Variants in SLC38A8 observed in about 807,000 individuals in gnomAD.
SLC38A8 encodes amino acid transporter SLC38A8.
Under a neutral mutation model 46.0 loss-of-function variants are expected in SLC38A8, and 65 were observed. The observed-to-expected ratio is 1.41, with a 90% CI of 1.16 to 1.74. The LOEUF is 1.74. Ranked by LOEUF, SLC38A8 falls within the 40% of genes most tolerant of loss-of-function variation. SLC38A8 has a pLI of 0.00. For missense variants in SLC38A8, 998 were observed against 567.9 expected, an observed-to-expected ratio of 1.76 and a Z score of -7.70; for synonymous variants, 447 against 243.7, an observed-to-expected ratio of 1.83 and a Z score of -7.77.
intron 3 of SLC38A8, among the ~76,000 whole-genome samples, chr16:84,033,701 A>C (rs2085272034): frequency 6.6e-6 from 1 of 152,204 alleles, no homozygotes. Context: ...CCCCAAGCCC[A>C]GCACTGCTCT....
chr16:84,039,613 G>A (rs563462388), intron 2 of SLC38A8, among the ~76,000 whole-genome samples: 124 of 152,256 alleles, frequency 8.1e-4, no homozygotes, highest in Non-Finnish European at 1.4e-3. Context: ...GGGTGTGGCA[G>A]CACATGCCTG....
chr16:84,018,791 A>C (rs1187369268), intron 7 of SLC38A8, among the ~76,000 whole-genome samples: 1 of 152,230 alleles, frequency 6.6e-6, no homozygotes, highest in East Asian at 1.9e-4. Flanking sequence ...GACAAAGAAT[A>C]AATCTGACAA....
At chr16:84,025,474 G>A (rs765149403) in intron 6 of SLC38A8, among the ~76,000 whole-genome samples, 2 of 152,118 alleles carry the variant, frequency 1.3e-5, no homozygotes, top group Non-Finnish European at 2.9e-5. Context: ...AACACGAGCG[G>A]GCTTTTCGGT....
intron 9 of SLC38A8, among the ~76,000 whole-genome samples, chr16:84,013,422 G>GTTTTTTTTTTTTTTTTTTTTTTTT (rs369454720): frequency 9.2e-6 from 1 of 108,700 alleles, no homozygotes; most frequent in Non-Finnish European, 1.8e-5. Context: ...TGTTGTGTGT[G>GTTTTTTTTTTTTTTTTTTTTTTTT]TGTTTTTTTT....
intron 3 of SLC38A8, among the ~76,000 whole-genome samples, chr16:84,036,230 A>C (rs1397784155): frequency 6.6e-6 from 1 of 152,282 alleles, no homozygotes; most frequent in Non-Finnish European, 1.5e-5. Context: ...TAAATTTTCC[A>C]TTCATGAGGA....
intron 6 of SLC38A8, among the ~76,000 whole-genome samples, chr16:84,023,387 G>A (rs1485313034): frequency 6.6e-6 from 1 of 152,118 alleles, no homozygotes; most frequent in Non-Finnish European, 1.5e-5. Flanking sequence ...GCACCCCTCT[G>A]CACAAAAGTA....
Position 84,042,544 on chromosome 16 carries a change from T to C in SLC38A8, c.-3+7A>G, listed in dbSNP as rs1188915142. On this transcript the variant is annotated splice_region_variant and intron_variant, in intron 1 of 10. Transcript: ENST00000299709. ...GTACAAACAGACCCCCAGTTCCTGGTCCTTACCACCAAATCCAACTTTTAA... is the reference window on the plus strand; with the variant it reads ...GTACAAACAGACCCCCAGTTCCTGGCCCTTACCACCAAATCCAACTTTTAA... 2 of 165,798 alleles carry C rather than the reference T, an allele frequency of 1.2e-5. No homozygotes were observed. Among genetic ancestry groups the C allele is most frequent in the Non-Finnish European group, 2.6e-5 (2 of 76,576 alleles). The allele number at this position is 165,798 out of a possible 1,614,324, so 10.3% of individuals were successfully genotyped here.
intron 3 of SLC38A8, among the ~76,000 whole-genome samples, chr16:84,034,501 G>A (rs1031052067): frequency 1.3e-5 from 2 of 152,218 alleles, no homozygotes; most frequent in Non-Finnish European, 2.9e-5. Context: ...CCACCTGGGT[G>A]GGTGAGGTGG....
rs371457990 is a variant in SLC38A8 at position 84,026,617 on chromosome 16, G to A, written c.690+2877C>T. Among the ~76,000 whole-genome samples, 190 of 152,316 alleles carry A rather than the reference G, an allele frequency of 1.2e-3. 4 individuals carry two copies. The South Asian group carries it at 0.035, about 28-fold the overall frequency. ...GGCAGTGGGCAGTTGCTCGGTGATG[G>A]AAGGAGACAGGAAGACGACACAGTG... On this transcript the variant is annotated intron_variant, in intron 6 of 10. Coordinates refer to ENST00000299709, the MANE Select transcript of SLC38A8 (RefSeq NM_001080442.3).
chr16:84,036,622 G>T, intron 3 of SLC38A8, 80 bp downstream of exon 3: 1 of 1,520,468 alleles, frequency 6.6e-7, no homozygotes, highest in Non-Finnish European at 9.0e-7. Flanking sequence ...AGGGCCCCAC[G>T]TCCTGCTCAA....
At chr16:84,029,155 G>A (rs966217535) in intron 6 of SLC38A8, among the ~76,000 whole-genome samples, 13 of 152,288 alleles carry the variant, frequency 8.5e-5, no homozygotes, top group Admixed American at 7.8e-4. Context: ...CCTCAGGTCT[G>A]ACTGCAGTCC....
chr16:84,013,006 TCTTGGTCCTATAGGCTCGACA>T lies in SLC38A8; in HGVS notation c.1188_1208del (p.Glu398_Val404del). 1 of 1,614,136 alleles carries T rather than the reference TCTTGGTCCTATAGGCTCGACA, an allele frequency of 6.2e-7. No homozygotes were observed. Among genetic ancestry groups the T allele is most frequent in the Non-Finnish European group, 8.5e-7 (1 of 1,179,984 alleles). On this transcript the variant is annotated inframe_deletion, in exon 10 of 11. Transcript: ENST00000299709. ...CTCATCTTAGGGACACTTACTTGAC[TCTTGGTCCTATAGGCTCGACA>T]CCCATTGCACAGATGAGGCACAAAC...
At chr16:84,037,806 A>ATTTTTTTTTTTTT (rs376247461) in intron 2 of SLC38A8, among the ~76,000 whole-genome samples, 3 of 102,250 alleles carry the variant, frequency 2.9e-5, no homozygotes, top group Non-Finnish European at 5.3e-5. Flanking sequence ...TTCAGCTTCA[A>ATTTTTTTTTTTTT]TTTTTTTTTT....
chr16:84,038,906 G>C (rs527525436), intron 2 of SLC38A8, among the ~76,000 whole-genome samples: 1 of 152,186 alleles, frequency 6.6e-6, no homozygotes, highest in Non-Finnish European at 1.5e-5. Context: ...CATGGTGGTC[G>C]AGCATTCCAC....
chr16:84,026,108 G>A (rs931420001), intron 6 of SLC38A8, among the ~76,000 whole-genome samples: 21 of 152,268 alleles, frequency 1.4e-4, no homozygotes, highest in Admixed American at 1.2e-3. Flanking sequence ...GCAGCTCTGC[G>A]TATAGGGGCA....
chr16:84,034,871 C>T (rs1220657372), intron 3 of SLC38A8, among the ~76,000 whole-genome samples: 1 of 152,076 alleles, frequency 6.6e-6, no homozygotes, highest in African/African-American at 2.4e-5. Context: ...GGGCCAACAG[C>T]AGGACTGTAC....
At chr16:84,031,770 G>C (rs537547269) in intron 5 of SLC38A8, 97 bp downstream of exon 5, 4 of 1,035,310 alleles carry the variant, frequency 3.9e-6, no homozygotes, top group African/African-American at 1.6e-5. Flanking sequence ...AGGCTCTGCA[G>C]TGAGCCACGA....
intron 6 of SLC38A8, among the ~76,000 whole-genome samples, 183 bp from the exon 7 acceptor site, chr16:84,023,072 CCTTT>C (rs1437799578): frequency 6.6e-6 from 1 of 152,174 alleles, no homozygotes; most frequent in African/African-American, 2.4e-5. Context: ...TTTTCTCCTT[CCTTT>C]CTGCCTTTGT....
chr16:84,022,977 T>A, intron 6 of SLC38A8, 88 bp from the exon 7 acceptor site: 1 of 894,178 alleles, frequency 1.1e-6, no homozygotes, highest in South Asian at 1.8e-5. Flanking sequence ...AGGCGGGAAA[T>A]GTGGGATATG....
Sources: allele counts gnomAD v4.1 joint callset (sites outside exome capture counted in the v4.1 genomes callset), GRCh38; gene constraint gnomAD v4.1.1; transcripts MANE v1.5; gene names NCBI Gene and HGNC (gene_info 2026-07-23, HGNC 2026-07-21).